LARGE1: variants seen among roughly 807,000 people sequenced by gnomAD.
LARGE1 encodes xylosyl- and glucuronyltransferase LARGE1.
Under a neutral mutation model 87.6 loss-of-function variants are expected in LARGE1, and 43 were observed. The observed-to-expected ratio is 0.49, with a 90% CI of 0.38 to 0.63. The LOEUF (loss-of-function observed/expected upper bound fraction) is 0.63. LARGE1 is among the 30% of genes least tolerant of loss of function. The pLI is 0.00. For missense variants in LARGE1, 802 were observed against 1,000.2 expected (o/e 0.80, Z 2.67); for synonymous variants, 434 against 394.6 (o/e 1.10, Z -1.18).
At position 33,875,340 on chromosome 22, in the gene LARGE1, T is replaced by C. The variant is rs1314152442; in HGVS notation, c.-83+44655A>G. On this transcript the variant is annotated intron_variant, in intron 1 of 14. Transcript: ENST00000397394. The stretch of plus-strand genomic sequence containing the variant: ...CTCTGGGCCAAAGAAGCTGGGGGTG[T>C]CTCCATCCCAGAATTGTTGGCAAAT... 2.0e-5 allele frequency among the ~76,000 whole-genome samples: 3 copies of C among 152,024 alleles called. No homozygotes were observed. In the East Asian group the frequency reaches 5.8e-4, roughly 29 times the overall value.
intron 3 of LARGE1, among the ~76,000 whole-genome samples, chr22:33,631,737 T>C (rs1307880824): frequency 6.6e-6 from 1 of 152,254 alleles, no homozygotes; most frequent in Non-Finnish European, 1.5e-5. Flanking sequence ...GATAAATACA[T>C]ACACTGGTAA....
In LARGE1 at chr22:33,370,819, T is replaced by C. The variant is rs2064779605; in HGVS notation, c.1131+11100A>G. 4.0e-5 allele frequency among the ~76,000 whole-genome samples: 6 copies of C among 149,650 alleles called. No homozygotes were observed. The South Asian group carries it at 1.2e-3, about 31-fold the overall frequency. On this transcript the variant is annotated intron_variant, in intron 9 of 14. Coordinates refer to ENST00000397394, the MANE Select transcript of LARGE1 (RefSeq NM_133642.5). ...TCAAATCATTAAATACCATCAATAA[T>C]TTAACACTGTTAAATTAAATAATTG...
chr22:33,630,578 G>C (rs147041550), intron 3 of LARGE1, among the ~76,000 whole-genome samples: 161 of 152,206 alleles, frequency 1.1e-3, no homozygotes, highest in Non-Finnish European at 2.0e-3. Flanking sequence ...AAAAAGTACA[G>C]TAAAAATATA....
At chr22:33,534,429 G>C (rs544422275) in intron 6 of LARGE1, among the ~76,000 whole-genome samples, 39 of 149,068 alleles carry the variant, frequency 2.6e-4, no homozygotes, top group African/African-American at 8.6e-4. Flanking sequence ...AAAAAAAAAA[G>C]AGGGATGAAG....
chr22:33,436,361 T>C (rs1209957777), intron 6 of LARGE1, among the ~76,000 whole-genome samples: 1 of 152,192 alleles, frequency 6.6e-6, no homozygotes, highest in Non-Finnish European at 1.5e-5. Flanking sequence ...GAGGTTTTCT[T>C]TGGAGGTCAT....
At chr22:33,856,062 C>T (rs983994513) in intron 1 of LARGE1, among the ~76,000 whole-genome samples, 4 of 152,274 alleles carry the variant, frequency 2.6e-5, no homozygotes, top group South Asian at 2.1e-4. Context: ...GGCACCTGGG[C>T]GATGACTATG....
intron 5 of LARGE1, among the ~76,000 whole-genome samples, chr22:33,570,667 A>G (rs1180924775): frequency 6.6e-6 from 1 of 151,460 alleles, no homozygotes; most frequent in Non-Finnish European, 1.5e-5. Context: ...AAAAAAAAAA[A>G]AAATCACAAG....
At chr22:33,260,559 G>A (rs944275438) in intron 11 of LARGE1, among the ~76,000 whole-genome samples, 1 of 143,760 alleles carries the variant, frequency 7.0e-6, no homozygotes, top group Non-Finnish European at 1.5e-5. Context: ...CATAGGGTTT[G>A]CCTGGGGATT....
At chr22:33,448,567 G>A (rs746643930) in intron 6 of LARGE1, among the ~76,000 whole-genome samples, 10 of 152,080 alleles carry the variant, frequency 6.6e-5, no homozygotes, top group African/African-American at 9.7e-5. Context: ...GGTCTTGCTT[G>A]TCCCCTCTGG....
At chr22:33,435,206 T>C (rs965152345) in intron 6 of LARGE1, among the ~76,000 whole-genome samples, 8 of 152,176 alleles carry the variant, frequency 5.3e-5, no homozygotes, top group Non-Finnish European at 1.2e-4. Flanking sequence ...TTCGCCATGT[T>C]GACCAGGCTG....
chr22:33,496,333 T>C lies in LARGE1; in HGVS notation c.788-64068A>G, dbSNP rs1211366474. 2.0e-5 allele frequency among the ~76,000 whole-genome samples: 3 copies of C among 152,236 alleles called. No individual in the cohort carries two copies. The East Asian group carries it at 5.8e-4, about 29-fold the overall frequency. ...CACACCCAGGAACAACACTTTCCAT[T>C]CTTCAATCCAATCAAGTTGACACTC... On this transcript the variant is annotated intron_variant, in intron 6 of 14. Coordinates refer to ENST00000397394, the MANE Select transcript of LARGE1 (RefSeq NM_133642.5).
chr22:33,089,011 T>C, the LARGE1 span, among the ~76,000 whole-genome samples: 2 of 152,188 alleles, frequency 1.3e-5, no homozygotes, highest in African/African-American at 4.8e-5. Context: ...TTCTGGGAAT[T>C]TCCCTCTTTT....
chr22:33,314,062 C>T (rs913804774), intron 11 of LARGE1, among the ~76,000 whole-genome samples: 7 of 152,128 alleles, frequency 4.6e-5, no homozygotes, highest in Non-Finnish European at 1.0e-4. Flanking sequence ...CGGTATTTGC[C>T]GAGTGATCAT....
chr22:33,432,065 T>A, intron 7 of LARGE1, 96 bp downstream of exon 7: 1 of 973,892 alleles, frequency 1.0e-6, no homozygotes, highest in South Asian at 1.3e-5. Context: ...TCAGGTGGCC[T>A]CCTCCTGAGC....
At chr22:33,818,739 G>C (rs188818678) in intron 1 of LARGE1, among the ~76,000 whole-genome samples, 10 of 152,266 alleles carry the variant, frequency 6.6e-5, no homozygotes, top group Non-Finnish European at 1.3e-4. Context: ...AAGCAGATTT[G>C]CCTGTGATTT....
At chr22:33,420,631 C>T (rs1336020310) in intron 7 of LARGE1, among the ~76,000 whole-genome samples, 1 of 152,116 alleles carries the variant, frequency 6.6e-6, no homozygotes, top group Non-Finnish European at 1.5e-5. Flanking sequence ...GACAGTTTCT[C>T]CCCCACAATA....
chr22:33,836,469 T>C (rs76599351), intron 1 of LARGE1, among the ~76,000 whole-genome samples: 2,791 of 152,220 alleles, frequency 0.018, 85 homozygotes, highest in African/African-American at 0.061. Flanking sequence ...TTTTGTCCAT[T>C]TGCTTCCTGC....
intron 6 of LARGE1, among the ~76,000 whole-genome samples, chr22:33,500,010 G>GTGAT (rs1217597844): frequency 6.6e-6 from 1 of 152,160 alleles, no homozygotes; most frequent in Non-Finnish European, 1.5e-5. Context: ...CTGACCTCAG[G>GTGAT]TGATCTGCCT....
At chr22:33,262,927 C>T (rs1479627176) in intron 11 of LARGE1, among the ~76,000 whole-genome samples, 1 of 150,946 alleles carries the variant, frequency 6.6e-6, no homozygotes, top group Non-Finnish European at 1.5e-5. Flanking sequence ...GAGTCTCACA[C>T]TGTTGCCCAG....
Sources: gnomAD v4.1 joint callset for allele counts (sites outside exome capture counted in the v4.1 genomes callset) on GRCh38, gnomAD v4.1.1 for gene constraint, MANE v1.5 for transcripts, NCBI Gene and HGNC (gene_info 2026-07-23, HGNC 2026-07-21) for gene names.